DPP10: variants seen among roughly 807,000 people sequenced by gnomAD.
DPP10 encodes dipeptidyl peptidase like 10.
In DPP10, 33 loss-of-function variants were observed where a neutral mutation model predicts 120.9. The observed-to-expected ratio is 0.27, with a 90% confidence interval of 0.21 to 0.37. The LOEUF is 0.37. Ranked by LOEUF, DPP10 falls within the 10% of genes least tolerant of loss-of-function variation. DPP10 has a pLI of 1.00. For synonymous variants in DPP10, 337 were observed against 326.1 expected (o/e 1.03, Z -0.36); for missense variants, 816 against 942.8 (o/e 0.87, Z 1.76).
At chr2:115,801,248 G>T (rs911630758) in intron 19 of DPP10, among the ~76,000 whole-genome samples, 16 of 152,250 alleles carry the variant, frequency 1.1e-4, no homozygotes, top group African/African-American at 3.6e-4. Flanking sequence ...TCTGTTATTG[G>T]TGTATAGGAA....
intron 21 of DPP10, among the ~76,000 whole-genome samples, chr2:115,824,272 G>A (rs1425565361): frequency 2.0e-5 from 3 of 152,094 alleles, no homozygotes; most frequent in African/African-American, 4.8e-5. Context: ...GGGATTTGGC[G>A]ATGGCTGTGA....
chr2:115,785,112 G>A (rs1050020484), intron 17 of DPP10, among the ~76,000 whole-genome samples: 1 of 152,084 alleles, frequency 6.6e-6, no homozygotes, highest in East Asian at 1.9e-4. Context: ...TTGCCCCATG[G>A]CTTCCAACTG....
In DPP10 at chr2:115,632,273, T is replaced by C. The variant is rs544087697; in HGVS notation, c.442-57414T>C. On this transcript the variant is annotated intron_variant, in intron 5 of 25. Transcript: ENST00000410059. ...TGCTTTCCATTTGCTTGTTAAATTT[T>C]CCCCCATCCCTTTCTTTTGTGTCTT... 4.6e-5 allele frequency among the ~76,000 whole-genome samples: 7 copies of C among 152,308 alleles called. No individual in the cohort carries two copies. The East Asian group carries it at 1.3e-3, about 29-fold the overall frequency.
intron 1 of DPP10, among the ~76,000 whole-genome samples, chr2:115,252,548 A>G (rs1364561655): frequency 6.6e-6 from 1 of 152,148 alleles, no homozygotes; most frequent in East Asian, 1.9e-4. Flanking sequence ...TTCTTCACAT[A>G]TGATTAATTA....
chr2:115,440,534 A>G (rs2071936022), intron 3 of DPP10, among the ~76,000 whole-genome samples: 1 of 152,232 alleles, frequency 6.6e-6, no homozygotes, highest in Admixed American at 6.5e-5. Flanking sequence ...AGATGAATCA[A>G]GAGTCCTTTA....
chr2:115,152,415 T>C (rs2104905943), intron 1 of DPP10, among the ~76,000 whole-genome samples: 1 of 152,354 alleles, frequency 6.6e-6, no homozygotes. Flanking sequence ...GGGGCTAAAC[T>C]TTACATACAT....
intron 1 of DPP10, among the ~76,000 whole-genome samples, chr2:114,891,505 T>A (rs1003359932): frequency 5.3e-5 from 8 of 152,206 alleles, no homozygotes; most frequent in Non-Finnish European, 1.2e-4. Flanking sequence ...TTTCACCGCA[T>A]TGAGAAATGC....
chr2:115,095,429 G>T (rs959565608), intron 1 of DPP10, among the ~76,000 whole-genome samples: 9 of 152,092 alleles, frequency 5.9e-5, no homozygotes, highest in Non-Finnish European at 2.9e-5. Context: ...GGGCAGTGGA[G>T]CTCACTCTAC....
intron 1 of DPP10, among the ~76,000 whole-genome samples, chr2:114,811,831 A>C (rs1185268235): frequency 6.6e-6 from 1 of 152,238 alleles, no homozygotes; most frequent in African/African-American, 2.4e-5. Context: ...TAGAGCAGAA[A>C]AGATACAATT....
At chr2:114,886,191 T>A (rs1356813173) in intron 1 of DPP10, among the ~76,000 whole-genome samples, 2 of 152,180 alleles carry the variant, frequency 1.3e-5, no homozygotes, top group Non-Finnish European at 2.9e-5. Flanking sequence ...TAAGAAAATA[T>A]GCAGAAAACA....
At chr2:114,690,565 T>G (rs1699670402) in intron 1 of DPP10, among the ~76,000 whole-genome samples, 1 of 152,090 alleles carries the variant, frequency 6.6e-6, no homozygotes, top group South Asian at 2.1e-4. Flanking sequence ...CTTGGCTATT[T>G]GGGATCTTTT....
intron 1 of DPP10, among the ~76,000 whole-genome samples, chr2:115,094,176 T>G (rs1275384771): frequency 2.6e-5 from 4 of 152,116 alleles, no homozygotes; most frequent in Non-Finnish European, 5.9e-5. Flanking sequence ...TAATCACTGT[T>G]ACTTTACACT....
At chr2:115,306,049 C>A (rs903004090) in intron 1 of DPP10, among the ~76,000 whole-genome samples, 1 of 151,790 alleles carries the variant, frequency 6.6e-6, no homozygotes, top group African/African-American at 2.4e-5. Flanking sequence ...TTAATCCTTC[C>A]AACATTTAAA....
intron 1 of DPP10, among the ~76,000 whole-genome samples, chr2:114,469,417 CAG>C (rs1277889792): frequency 6.6e-6 from 1 of 152,038 alleles, no homozygotes; most frequent in Non-Finnish European, 1.5e-5. Context: ...GAATGAAAGA[CAG>C]AAGTTTTTAA....
Position 115,814,851 on chromosome 2 carries a change from G to A in DPP10, c.1759G>A (p.Val587Ile), listed in dbSNP as rs370150768. The A allele has an allele frequency of 5.5e-5, 89 of 1,604,504 alleles. No individual in the cohort carries two copies. The highest frequency in any genetic ancestry group is 1.7e-4 in the Middle Eastern group (1 of 6,044). Residue 587 changes from valine (V) to isoleucine (I), a missense_variant, in exon 20 of 26, where the codon GTA (valine) becomes ATA (isoleucine). By Grantham distance (29) the Val-to-Ile change is conservative (BLOSUM62 3). This residue lies in a region of DPP10 where 592 missense variants were observed against 649.0 expected (regional missense o/e 0.91). Coordinates refer to ENST00000410059, the MANE Select transcript of DPP10 (RefSeq NM_020868.6). ...TDKFHIDWDS[V>I]LIDMDNVIVA... ...TAAGTTCCATATTGACTGGGATTCC[G>A]TACTCATTGACATGGATAATGTCAT...
At chr2:115,105,072 A>T (rs2048881669) in intron 1 of DPP10, among the ~76,000 whole-genome samples, 1 of 152,172 alleles carries the variant, frequency 6.6e-6, no homozygotes, top group Non-Finnish European at 1.5e-5. Context: ...CCCCATGGTT[A>T]CAAGGAAATA....
At chr2:114,627,596 G>A (rs1048191131) in intron 1 of DPP10, among the ~76,000 whole-genome samples, 1 of 151,978 alleles carries the variant, frequency 6.6e-6, no homozygotes, top group Non-Finnish European at 1.5e-5. Flanking sequence ...TAGAGGGGGT[G>A]AGCTGGGATT....
At chr2:114,533,971 C>T (rs1686268927) in intron 1 of DPP10, among the ~76,000 whole-genome samples, 1 of 152,150 alleles carries the variant, frequency 6.6e-6, no homozygotes, top group Non-Finnish European at 1.5e-5. Context: ...GTAATTTTCT[C>T]CTTTCTCACT....
chr2:114,684,084 C>T (rs1172904149), intron 1 of DPP10, among the ~76,000 whole-genome samples: 1 of 151,968 alleles, frequency 6.6e-6, no homozygotes, highest in Admixed American at 6.6e-5. Context: ...ATCCATGTCT[C>T]CATACCCAGT....
Sources: allele counts gnomAD v4.1 joint callset (sites outside exome capture counted in the v4.1 genomes callset), GRCh38; gene constraint gnomAD v4.1.1; regional missense constraint gnomAD v4.1.1; transcripts MANE v1.5; gene names NCBI Gene and HGNC (gene_info 2026-07-23, HGNC 2026-07-21).